The following NUP160 variants were observed in gnomAD, a reference collection of about 807,000 sequenced individuals.
NUP160 encodes the protein nucleoporin 160.
In NUP160, 94 loss-of-function variants were observed where a neutral mutation model predicts 196.9. The ratio of observed to expected loss-of-function variants is 0.48; its 90% CI spans 0.40 to 0.57. The LOEUF (loss-of-function observed/expected upper bound fraction) is 0.57. Ranked by LOEUF, NUP160 falls within the 20% of genes least tolerant of loss-of-function variation. The pLI, the probability that NUP160 is intolerant of heterozygous loss-of-function variation, is 0.00. For missense variants in NUP160, 1,638 were observed against 1,748.3 expected (o/e 0.94, Z 1.13); for synonymous variants, 605 against 619.7 (o/e 0.98, Z 0.35).
chr11:47,783,650 T>C (rs1305077309), intron 33 of NUP160, among the ~76,000 whole-genome samples: 1 of 152,206 alleles, frequency 6.6e-6, no homozygotes, highest in African/African-American at 2.4e-5. Context: ...AGAGCTCTAT[T>C]AATTAAGCAT....
At chr11:47,819,801 T>C (rs2135382925) in intron 9 of NUP160, among the ~76,000 whole-genome samples, 1 of 152,350 alleles carries the variant, frequency 6.6e-6, no homozygotes, top group South Asian at 2.1e-4. Context: ...ATTTGCTAGA[T>C]ATTATGCTAG....
chr11:47,844,672 T>C (rs922439134), intron 2 of NUP160, among the ~76,000 whole-genome samples: 3 of 152,202 alleles, frequency 2.0e-5, no homozygotes, highest in South Asian at 2.1e-4. Context: ...TTCCCTCTTA[T>C]GCTGTTCCCT....
chr11:47,787,974 G>A (rs533852721), intron 31 of NUP160, among the ~76,000 whole-genome samples: 2 of 151,864 alleles, frequency 1.3e-5, no homozygotes, highest in Middle Eastern at 3.4e-3. Context: ...CGCCCGCCTC[G>A]GCCTCCCAAA....
intron 20 of NUP160, 66 bp from the exon 21 acceptor site, chr11:47,804,684 C>G: frequency 9.2e-7 from 1 of 1,089,392 alleles, no homozygotes; most frequent in Non-Finnish European, 1.3e-6. Context: ...CATTGGGCAT[C>G]AAATTCAGAA....
At chr11:47,788,400 C>T in intron 30 of NUP160, 95 bp from the exon 31 acceptor site, 1 of 1,565,852 alleles carries the variant, frequency 6.4e-7, no homozygotes, top group Non-Finnish European at 8.8e-7. Context: ...TGAGTAATAA[C>T]CCAGGCTTTA....
chr11:47,787,818 C>T (rs896903994), intron 31 of NUP160, among the ~76,000 whole-genome samples: 2 of 151,918 alleles, frequency 1.3e-5, no homozygotes, highest in Admixed American at 6.6e-5. Flanking sequence ...CCCAGGTTCA[C>T]GCCATTCTCC....
chr11:47,821,562 G>T, intron 9 of NUP160, 162 bp downstream of exon 9: 1 of 561,202 alleles, frequency 1.8e-6, no homozygotes, highest in Non-Finnish European at 3.2e-6. Flanking sequence ...CGGGGTTTCT[G>T]TTGCCCAGCC....
intron 7 of NUP160, 82 bp downstream of exon 7, chr11:47,835,569 G>A: frequency 8.4e-7 from 1 of 1,184,064 alleles, no homozygotes; most frequent in Non-Finnish European, 1.2e-6. Flanking sequence ...AAAAGAGCTT[G>A]AACAGACTCA....
chr11:47,789,506 AATACAAC>A, intron 29 of NUP160, among the ~76,000 whole-genome samples: 1 of 152,210 alleles, frequency 6.6e-6, no homozygotes, highest in Non-Finnish European at 1.5e-5. Context: ...AGCTGATTTA[AATACAAC>A]ATTCAAGAAA....
At chr11:47,792,995 C>CT (rs749206251) in intron 27 of NUP160, 49 bp from the exon 28 acceptor site, 192 of 1,531,132 alleles carry the variant, frequency 1.3e-4, no homozygotes, top group Middle Eastern at 3.5e-4. Flanking sequence ...ATTTTTTTTT[C>CT]TTTTTTTTGG....
intron 20 of NUP160, among the ~76,000 whole-genome samples, chr11:47,805,784 T>C (rs188975743): frequency 3.3e-5 from 5 of 152,084 alleles, no homozygotes; most frequent in African/African-American, 1.2e-4. Context: ...TTTCATTACA[T>C]AGGCAGAATA....
intron 35 of NUP160, chr11:47,779,672 G>A: frequency 2.1e-6 from 1 of 470,296 alleles, no homozygotes; most frequent in Non-Finnish European, 4.2e-6. Context: ...CCTGAGAAAT[G>A]TTGTTATATA....
exon 24 of NUP160, chr11:47,798,456 C>T (rs770829741): frequency 1.3e-5 from 21 of 1,566,022 alleles, no homozygotes; most frequent in African/African-American, 8.2e-5. Flanking sequence ...ATCTAGTAGT[C>T]GTAAAACCTA....
chr11:47,789,068 G>T (rs1370010316), intron 29 of NUP160, among the ~76,000 whole-genome samples: 2 of 151,914 alleles, frequency 1.3e-5, no homozygotes, highest in African/African-American at 4.8e-5. Flanking sequence ...GTAGACACGG[G>T]GTTTTACCAT....
At chr11:47,839,163 C>A (rs1486999928) in intron 4 of NUP160, among the ~76,000 whole-genome samples, 2 of 152,004 alleles carry the variant, frequency 1.3e-5, no homozygotes, top group Non-Finnish European at 2.9e-5. Context: ...ACGATCTTGG[C>A]TTATCGCAAC....
chr11:47,847,747 G>A lies in NUP160; in HGVS notation c.314+101C>T, dbSNP rs1481065048. The A allele has an allele frequency of 3.9e-6, 3 of 761,910 alleles. No homozygotes were observed. In the African/African-American group the frequency reaches 5.2e-5, roughly 13 times the overall value. 47.2% of individuals were successfully genotyped at this position (761,910 alleles called of 1,614,324 possible). A position where few individuals can be genotyped will look rare whatever the true frequency, so the allele number is the denominator to read the frequency against. On this transcript the variant is annotated intron_variant, in intron 2 of 35. Coordinates refer to ENST00000378460, the Ensembl canonical transcript of NUP160. ...AAAAACAATCTTTCTCTTTCCCTAA[G>A]TGTCAATTACCGCTTCTAGAATAGC...
exon 18 of NUP160, chr11:47,808,445 T>C (rs1267388119): frequency 1.2e-6 from 2 of 1,613,650 alleles, no homozygotes; most frequent in Non-Finnish European, 1.7e-6. Context: ...CCCCATTTAA[T>C]GAGGTAATAA....
intron 7 of NUP160, among the ~76,000 whole-genome samples, chr11:47,829,206 G>C (rs1852029588): frequency 6.6e-6 from 1 of 152,166 alleles, no homozygotes; most frequent in South Asian, 2.1e-4. Flanking sequence ...TCTGATTAGA[G>C]ATTTAGATCC....
At chr11:47,815,914 G>A (rs78447172) in intron 12 of NUP160, 32 bp downstream of exon 12, 2 of 1,526,526 alleles carry the variant, frequency 1.3e-6, no homozygotes, top group East Asian at 2.3e-5. Context: ...AAGATGGAAG[G>A]AATTCTTATT....
Sources: allele counts gnomAD v4.1 joint callset (sites outside exome capture counted in the v4.1 genomes callset), GRCh38; gene constraint gnomAD v4.1.1; transcripts MANE v1.5; gene names NCBI Gene and HGNC (gene_info 2026-07-23, HGNC 2026-07-21).